The following EIF2AK4 variants were observed in gnomAD, a reference collection of about 807,000 sequenced individuals.
EIF2AK4 encodes the protein eukaryotic translation initiation factor 2 alpha kinase 4.
A neutral mutation model predicts 211.1 loss-of-function variants in EIF2AK4; 139 were observed. That is an observed-to-expected ratio of 0.66 (90% CI 0.57 to 0.76). The LOEUF is 0.76. EIF2AK4 is among the 30% of genes least tolerant of loss of function. EIF2AK4 has a pLI of 0.00. For synonymous variants in EIF2AK4, 710 were observed against 751.3 expected, an observed-to-expected ratio of 0.94 and a Z score of 0.90; for missense variants, 1,664 against 2,043.8, an observed-to-expected ratio of 0.81 and a Z score of 3.58.
chr15:39,974,746 T>A (rs1160076260), intron 11 of EIF2AK4: 1 of 152,168 alleles, frequency 6.6e-6, no homozygotes, highest in Non-Finnish European at 1.5e-5. Flanking sequence ...GGCAAGCTCA[T>A]ATAACAAAAA....
At chr15:39,971,880 G>A (rs2034630327) in intron 9 of EIF2AK4, among the ~76,000 whole-genome samples, 1 of 152,148 alleles carries the variant, frequency 6.6e-6, no homozygotes, top group South Asian at 2.1e-4. Context: ...ACTAGGTCAG[G>A]GGTATAGTAG....
At chr15:39,952,239 T>C (rs1455203623) in intron 4 of EIF2AK4, among the ~76,000 whole-genome samples, 3 of 152,196 alleles carry the variant, frequency 2.0e-5, no homozygotes, top group East Asian at 3.8e-4. Context: ...TCAGGATTGT[T>C]TCTTTTTCCA....
chr15:40,032,192 C>T lies in EIF2AK4; in HGVS notation c.4683C>T (p.Ser1561=). The stretch of plus-strand genomic sequence containing the variant: ...AGGTACAAACTCGACTTCAGACCTC[C>T]CTTGCCAACTTACATCAGAAAAGCA... The part of the protein sequence containing the change: ...ETQVQTRLQT[S]LANLHQKSSE... Residue 1561 remains serine (S), a synonymous_variant, in exon 36 of 39, where the codon TCC becomes TCT. Coordinates refer to ENST00000263791, the MANE Select transcript of EIF2AK4 (RefSeq NM_001013703.4). 1 of 1,614,168 alleles carries T rather than the reference C, an allele frequency of 6.2e-7. No homozygotes were observed.
intron 10 of EIF2AK4, 26 bp downstream of exon 10, chr15:39,973,040 G>A: frequency 6.3e-7 from 1 of 1,583,474 alleles, no homozygotes; most frequent in Admixed American, 1.7e-5. Flanking sequence ...TTCTTTATTT[G>A]GTAACCTGTT....
chr15:39,962,093 A>G (rs1213057429), intron 7 of EIF2AK4, among the ~76,000 whole-genome samples, 194 bp downstream of exon 7: 2 of 152,186 alleles, frequency 1.3e-5, no homozygotes, highest in Non-Finnish European at 2.9e-5. Flanking sequence ...TGTAAGATGG[A>G]AATAAAAACC....
chr15:40,013,321 C>T (rs770669222), intron 27 of EIF2AK4, among the ~76,000 whole-genome samples: 7 of 151,838 alleles, frequency 4.6e-5, no homozygotes, highest in Non-Finnish European at 8.8e-5. Flanking sequence ...TTTTTTATAG[C>T]GGGATAGCAG....
Position 40,035,217 on chromosome 15 carries a change from C to G in EIF2AK4, c.*133C>G, listed in dbSNP as rs1473954244. The stretch of plus-strand genomic sequence containing the variant: ...GGGTGCAGTGGCTCACACCTTTAAT[C>G]CCAGCACTTTGGGAAGCCAAGGCAG... On this transcript the variant is annotated 3_prime_UTR_variant, in exon 39 of 39. Transcript: ENST00000263791. 1 of 633,132 alleles carries G rather than the reference C, an allele frequency of 1.6e-6. No individual in the cohort carries two copies. Among genetic ancestry groups the G allele is most frequent in the Non-Finnish European group, 2.4e-6 (1 of 421,526 alleles). The allele number at this position is 633,132 out of a possible 1,614,324, so 39.2% of individuals were successfully genotyped here.
intron 27 of EIF2AK4, among the ~76,000 whole-genome samples, chr15:40,014,581 C>A (rs1419428091): frequency 2.0e-5 from 3 of 152,238 alleles, no homozygotes; most frequent in Non-Finnish European, 1.5e-5. Context: ...AGGAGGGGGG[C>A]CCTGGGGCCA....
chr15:39,972,980 G>C lies in EIF2AK4; in HGVS notation c.1626G>C (p.Gln542His). Residue 542 changes from glutamine to histidine, a missense_variant, in exon 10 of 39, where the codon CAG becomes CAC. Gln to His is a conservative substitution (Grantham distance 24). This residue lies in a region of EIF2AK4 where 641 missense variants were observed against 729.6 expected (regional missense o/e 0.88). Transcript: ENST00000263791. ...QLLKHSFINP[Q>H]PKMPLVEQSP... ...TGAAACACAGCTTTATAAATCCCCA[G>C]CCAAAAATGCCTCTAGTGGAACAAA... The C allele has an allele frequency of 1.2e-6, 2 of 1,613,964 alleles. No homozygotes were observed. Among genetic ancestry groups the C allele is most frequent in the Non-Finnish European group, 1.7e-6 (2 of 1,179,982 alleles).
intron 23 of EIF2AK4, among the ~76,000 whole-genome samples, chr15:40,003,794 G>C: frequency 6.6e-6 from 1 of 152,296 alleles, no homozygotes; most frequent in Non-Finnish European, 1.5e-5. Flanking sequence ...GGATCCTGTC[G>C]ACAGCAGCAG....
intron 5 of EIF2AK4, 52 bp downstream of exon 5, chr15:39,954,036 T>C (rs776732324): frequency 1.4e-6 from 2 of 1,438,332 alleles, no homozygotes; most frequent in Non-Finnish European, 1.9e-6. Context: ...ACAAAGTGTT[T>C]TTATTTCCAC....
intron 33 of EIF2AK4, among the ~76,000 whole-genome samples, chr15:40,028,424 C>T (rs909068239): frequency 1.3e-5 from 2 of 152,134 alleles, no homozygotes. Context: ...TTTTGCTTCC[C>T]AGGGCACATC....
intron 13 of EIF2AK4, among the ~76,000 whole-genome samples, chr15:39,984,313 T>C (rs1412008968): frequency 1.3e-5 from 2 of 152,244 alleles, no homozygotes; most frequent in Non-Finnish European, 2.9e-5. Context: ...TCTTTTTGCT[T>C]AGGATTGTCT....
intron 18 of EIF2AK4, 128 bp from the exon 19 acceptor site, chr15:39,996,836 T>G: frequency 1.6e-6 from 1 of 628,532 alleles, no homozygotes; most frequent in South Asian, 2.2e-5. Flanking sequence ...ATCTTCGCAT[T>G]TTTCCAGTGT....
In EIF2AK4 at chr15:39,955,681, G is replaced by C. The variant is rs774615546; in HGVS notation, c.656G>C (p.Gly219Ala). 2 of 1,613,242 alleles carry C rather than the reference G, an allele frequency of 1.2e-6. No individual in the cohort carries two copies. The highest frequency in any genetic ancestry group is 2.2e-5 in the South Asian group (2 of 90,828). Reference sequence around the variant, plus strand: ...CATACCTCTAAGAAGGACCCAGGAGGACACAGAACGGCTGCCATTCTACAT... The same window carrying C: ...CATACCTCTAAGAAGGACCCAGGAGCACACAGAACGGCTGCCATTCTACAT... The part of the protein sequence containing the change: ...QDHTSKKDPG[G>A]HRTAAILHGG... Residue 219 changes from glycine (G) to alanine (A), a missense_variant, in exon 6 of 39, where the codon GGA (glycine) becomes GCA (alanine). Transcript: ENST00000263791.
At chr15:39,946,094 G>A (rs1274406642) in intron 3 of EIF2AK4, among the ~76,000 whole-genome samples, 1 of 152,206 alleles carries the variant, frequency 6.6e-6, no homozygotes, top group African/African-American at 2.4e-5. Context: ...GCCCATGGAT[G>A]AAGGAGTAAT....
chr15:39,989,816 A>G (rs536228104), intron 15 of EIF2AK4, among the ~76,000 whole-genome samples: 1 of 152,356 alleles, frequency 6.6e-6, no homozygotes, highest in East Asian at 1.9e-4. Context: ...TTGAACTGTT[A>G]GAATTACTGT....
intron 15 of EIF2AK4, among the ~76,000 whole-genome samples, chr15:39,989,207 A>G (rs2034909056): frequency 6.6e-6 from 1 of 152,190 alleles, no homozygotes; most frequent in Non-Finnish European, 1.5e-5. Context: ...TATAATATAA[A>G]TGCTAATGGG....
chr15:39,980,159 C>A (rs1318698953), intron 13 of EIF2AK4, among the ~76,000 whole-genome samples: 3 of 152,132 alleles, frequency 2.0e-5, no homozygotes, highest in African/African-American at 7.2e-5. Flanking sequence ...CGTCAATGTA[C>A]CCTAGAGTTG....
Sources: gnomAD v4.1 joint callset for allele counts (sites outside exome capture counted in the v4.1 genomes callset) on GRCh38, gnomAD v4.1.1 for gene constraint, gnomAD v4.1.1 regional missense constraint, MANE v1.5 for transcripts, NCBI Gene and HGNC (gene_info 2026-07-23, HGNC 2026-07-21) for gene names.